Variants in MSRA observed in about 807,000 individuals in gnomAD.
MSRA encodes mitochondrial peptide methionine sulfoxide reductase.
In MSRA, 54 loss-of-function variants were observed where a neutral mutation model predicts 31.3. That is an observed-to-expected ratio of 1.73 (90% confidence interval 1.39 to 2.17). The LOEUF is 2.17. Ranked by LOEUF, MSRA falls within the 30% of genes most tolerant of loss-of-function variation. The pLI, the probability that MSRA is intolerant of heterozygous loss-of-function variation, is 0.00. For missense variants in MSRA, 507 were observed against 300.9 expected (o/e 1.69, Z -5.07); for synonymous variants, 169 against 116.5 (o/e 1.45, Z -2.90).
intron 2 of MSRA, 120 bp from the exon 3 acceptor site, chr8:10,244,984 G>A (rs1797538670): frequency 4.1e-6 from 3 of 727,750 alleles, no homozygotes; most frequent in Admixed American, 3.3e-5. Flanking sequence ...GTCATTTTTG[G>A]TTATCAAATG....
chr8:10,225,269 C>T (rs1218402747), intron 2 of MSRA, among the ~76,000 whole-genome samples: 1 of 152,252 alleles, frequency 6.6e-6, no homozygotes, highest in Non-Finnish European at 1.5e-5. Flanking sequence ...TCCTTGAAGT[C>T]TCTGTGACTT....
At chr8:10,304,425 G>GT (rs1185368821) in intron 4 of MSRA, among the ~76,000 whole-genome samples, 1 of 152,240 alleles carries the variant, frequency 6.6e-6, no homozygotes, top group Non-Finnish European at 1.5e-5. Context: ...ATTAAAACAA[G>GT]TATGTGTTAG....
intron 5 of MSRA, among the ~76,000 whole-genome samples, chr8:10,425,530 AC>A (rs1345372748): frequency 6.6e-6 from 1 of 152,150 alleles, no homozygotes; most frequent in African/African-American, 2.4e-5. Flanking sequence ...TCTTCTGGAG[AC>A]CGCAGCTGTG....
intron 1 of MSRA, among the ~76,000 whole-genome samples, chr8:10,132,896 G>T (rs1450278010): frequency 1.3e-5 from 2 of 152,218 alleles, no homozygotes; most frequent in Non-Finnish European, 2.9e-5. Context: ...AGAAGAACGA[G>T]TCTTGGCCAT....
chr8:10,402,580 C>T (rs1002511701), intron 5 of MSRA, among the ~76,000 whole-genome samples: 1 of 152,220 alleles, frequency 6.6e-6, no homozygotes, highest in African/African-American at 2.4e-5. Flanking sequence ...CACTCTATAG[C>T]ACGCATTTCC....
chr8:10,208,547 C>T (rs552822186), intron 2 of MSRA, among the ~76,000 whole-genome samples: 1 of 152,234 alleles, frequency 6.6e-6, no homozygotes, highest in East Asian at 1.9e-4. Flanking sequence ...GCACATGGCC[C>T]TTTCTTTGCC....
intron 1 of MSRA, among the ~76,000 whole-genome samples, chr8:10,085,531 C>G (rs761774754): frequency 6.6e-6 from 1 of 152,188 alleles, no homozygotes; most frequent in Non-Finnish European, 1.5e-5. Flanking sequence ...TCAATAGCCC[C>G]TTGAAGGCAT....
chr8:10,172,031 C>G (rs540096286), intron 1 of MSRA, among the ~76,000 whole-genome samples: 3 of 152,250 alleles, frequency 2.0e-5, no homozygotes, highest in African/African-American at 7.2e-5. Flanking sequence ...ATAGTAATAA[C>G]AAGACATAGA....
At chr8:10,404,917 G>C (rs1164953950) in intron 5 of MSRA, among the ~76,000 whole-genome samples, 1 of 152,202 alleles carries the variant, frequency 6.6e-6, no homozygotes, top group Admixed American at 6.5e-5. Context: ...TGCACCCACT[G>C]CTCCCCACGA....
At chr8:10,309,546 C>G (rs1208248808) in intron 4 of MSRA, among the ~76,000 whole-genome samples, 1 of 152,248 alleles carries the variant, frequency 6.6e-6, no homozygotes, top group African/African-American at 2.4e-5. Context: ...CCTTTATCCT[C>G]AATCAGCTCC....
At chr8:10,116,103 C>G (rs1346486978) in intron 1 of MSRA, among the ~76,000 whole-genome samples, 1 of 152,144 alleles carries the variant, frequency 6.6e-6, no homozygotes, top group Non-Finnish European at 1.5e-5. Context: ...TGGCTTGAAG[C>G]TACATGTCAA....
At chr8:10,104,939 C>T (rs1045455842) in intron 1 of MSRA, among the ~76,000 whole-genome samples, 16 of 152,166 alleles carry the variant, frequency 1.1e-4, no homozygotes, top group Non-Finnish European at 5.9e-5. Flanking sequence ...TGTATCTTCA[C>T]CAACAGTTGG....
chr8:10,254,763 C>G (rs1336311711), intron 3 of MSRA, among the ~76,000 whole-genome samples: 1 of 152,220 alleles, frequency 6.6e-6, no homozygotes, highest in Non-Finnish European at 1.5e-5. Context: ...TCATTTCCAG[C>G]AAATGCATTT....
chr8:10,405,936 G>A (rs767937150), intron 5 of MSRA, among the ~76,000 whole-genome samples: 1 of 152,234 alleles, frequency 6.6e-6, no homozygotes, highest in Non-Finnish European at 1.5e-5. Context: ...GCTCACATGT[G>A]CTCACACACA....
Position 10,428,369 on chromosome 8 carries a change from G to A in MSRA, c.*57G>A, listed in dbSNP as rs1809331396. On this transcript the variant is annotated 3_prime_UTR_variant, in exon 6 of 6. Transcript: ENST00000317173. ...CAGTAAAAATGCTTTCAACAAATTGGGCAATGCTTGTGTGATTCACAATCG... is the reference window on the plus strand; with the variant it reads ...CAGTAAAAATGCTTTCAACAAATTGAGCAATGCTTGTGTGATTCACAATCG... The A allele has an allele frequency of 6.4e-7, 1 of 1,556,590 alleles. No homozygotes were observed. Among genetic ancestry groups the A allele is most frequent in the African/African-American group, 1.4e-5 (1 of 73,440 alleles).
intron 1 of MSRA, among the ~76,000 whole-genome samples, chr8:10,128,040 T>G (rs1016005598): frequency 6.6e-6 from 1 of 152,076 alleles, no homozygotes; most frequent in African/African-American, 2.4e-5. Context: ...GCGGATCTTG[T>G]GCATTCTCTG....
chr8:10,162,892 G>A (rs1013541017), intron 1 of MSRA, among the ~76,000 whole-genome samples: 2 of 152,138 alleles, frequency 1.3e-5, no homozygotes, highest in Non-Finnish European at 2.9e-5. Flanking sequence ...GTGTGTAAAG[G>A]TGGGTTCACG....
At chr8:10,213,016 C>T (rs1585183001) in intron 2 of MSRA, among the ~76,000 whole-genome samples, 1 of 152,144 alleles carries the variant, frequency 6.6e-6, no homozygotes, top group South Asian at 2.1e-4. Context: ...TCCCCTCAAA[C>T]ATTTATCCTT....
intron 3 of MSRA, among the ~76,000 whole-genome samples, chr8:10,295,356 G>A (rs1259588699): frequency 6.6e-6 from 1 of 151,996 alleles, no homozygotes; most frequent in Non-Finnish European, 1.5e-5. Context: ...TTGTCCCCAC[G>A]AAGCCTCTCC....
Sources: gnomAD v4.1 joint callset for allele counts (sites outside exome capture counted in the v4.1 genomes callset) on GRCh38, gnomAD v4.1.1 for gene constraint, MANE v1.5 for transcripts, NCBI Gene and HGNC (gene_info 2026-07-23, HGNC 2026-07-21) for gene names.